Variants in ZC3H3 observed in about 807,000 individuals in gnomAD.
ZC3H3 encodes the protein zinc finger CCCH-type containing 3, also known as zinc finger CCCH domain-containing protein 3.
In ZC3H3, 36 loss-of-function variants were observed where a neutral mutation model predicts 77.3. That is an observed-to-expected ratio of 0.47 (90% confidence interval 0.36 to 0.61). The LOEUF (loss-of-function observed/expected upper bound fraction) is 0.61. ZC3H3 is among the 20% of genes least tolerant of loss of function. The pLI is 0.00. For missense variants in ZC3H3, 1,331 were observed against 1,312.2 expected, an observed-to-expected ratio of 1.01 and a Z score of -0.22; for synonymous variants, 626 against 555.2, an observed-to-expected ratio of 1.13 and a Z score of -1.79.
chr8:143,458,071 A>G (rs570756256), intron 9 of ZC3H3, among the ~76,000 whole-genome samples: 8 of 152,354 alleles, frequency 5.3e-5, no homozygotes, highest in Non-Finnish European at 1.2e-4. Context: ...AAGATCAATA[A>G]ATTGACAAAC....
chr8:143,509,968 C>T (rs1422654554), intron 3 of ZC3H3, among the ~76,000 whole-genome samples: 3 of 152,222 alleles, frequency 2.0e-5, no homozygotes, highest in Non-Finnish European at 2.9e-5. Context: ...TTCCCAGCCC[C>T]GACTGCACAC....
chr8:143,501,671 A>C (rs901019671), intron 4 of ZC3H3, among the ~76,000 whole-genome samples: 1 of 151,080 alleles, frequency 6.6e-6, no homozygotes, highest in Non-Finnish European at 1.5e-5. Flanking sequence ...GTTTTACATA[A>C]AGATTCATCC....
At chr8:143,541,332 G>T (rs748908382) in intron 1 of ZC3H3, 44 bp downstream of exon 1, 7 of 1,604,206 alleles carry the variant, frequency 4.4e-6, no homozygotes, top group Non-Finnish European at 6.0e-6. Flanking sequence ...CGCGAGGTGA[G>T]GGGGAAAGAA....
chr8:143,475,860 C>T (rs1444306821), intron 4 of ZC3H3, among the ~76,000 whole-genome samples: 1 of 152,200 alleles, frequency 6.6e-6, no homozygotes, highest in African/African-American at 2.4e-5. Context: ...CCCCCGACCC[C>T]ACCCACGAGG....
At chr8:143,532,227 G>GTGAT (rs1554647563) in intron 3 of ZC3H3, among the ~76,000 whole-genome samples, 5 of 20,338 alleles carry the variant, frequency 2.5e-4, no homozygotes, top group Non-Finnish European at 6.2e-4. Flanking sequence ...AGGAAATTAC[G>GTGAT]CGATTACCAA....
chr8:143,468,601 A>G lies in ZC3H3; in HGVS notation c.1946+16T>C. 6.4e-7 allele frequency: 1 copy of G among 1,573,322 alleles called. No homozygotes were observed. Among genetic ancestry groups the G allele is most frequent in the Non-Finnish European group, 8.6e-7 (1 of 1,160,226 alleles). On this transcript the variant is annotated intron_variant, in intron 6 of 11. Transcript: ENST00000262577. ...CGAGCAGGGAGCCCACCCACTGCCCAGCCCAAAGGCATTACCTGGCCAGGG... is the reference window on the plus strand; with the variant it reads ...CGAGCAGGGAGCCCACCCACTGCCCGGCCCAAAGGCATTACCTGGCCAGGG...
At chr8:143,531,620 C>T (rs1478650996) in intron 3 of ZC3H3, among the ~76,000 whole-genome samples, 2 of 152,178 alleles carry the variant, frequency 1.3e-5, no homozygotes. Context: ...CACCTCCAGG[C>T]TCATTATTCC....
chr8:143,477,422 C>T (rs369652850), intron 4 of ZC3H3, among the ~76,000 whole-genome samples: 63 of 152,298 alleles, frequency 4.1e-4, no homozygotes, highest in African/African-American at 1.4e-3. Flanking sequence ...AACCCCCAGC[C>T]GGGCACTGTC....
chr8:143,468,045 C>T (rs537217057), intron 8 of ZC3H3, among the ~76,000 whole-genome samples, 164 bp downstream of exon 8: 1 of 152,196 alleles, frequency 6.6e-6, no homozygotes, highest in African/African-American at 2.4e-5. Flanking sequence ...AGCTGCAAAG[C>T]CTGCAATGGG....
chr8:143,527,333 A>C (rs1028537214), intron 3 of ZC3H3, among the ~76,000 whole-genome samples: 1 of 152,126 alleles, frequency 6.6e-6, no homozygotes, highest in African/African-American at 2.4e-5. Flanking sequence ...TCCATTCAAC[A>C]AAAGGAGCAG....
chr8:143,472,152 G>A (rs1261424670), intron 5 of ZC3H3, among the ~76,000 whole-genome samples: 2 of 152,246 alleles, frequency 1.3e-5, no homozygotes, highest in African/African-American at 4.8e-5. Flanking sequence ...CAGCCTCTGT[G>A]CGCCAGACCC....
At chr8:143,519,122 G>C (rs1462247960) in intron 3 of ZC3H3, among the ~76,000 whole-genome samples, 1 of 151,938 alleles carries the variant, frequency 6.6e-6, no homozygotes, top group Non-Finnish European at 1.5e-5. Flanking sequence ...CTCTGAAGGA[G>C]GGGAGGAGAG....
At chr8:143,465,603 C>A (rs1820387205) in intron 9 of ZC3H3, 114 bp downstream of exon 9, 1 of 1,496,362 alleles carries the variant, frequency 6.7e-7, no homozygotes. Flanking sequence ...ATGGCACTGA[C>A]CACCTCAGGG....
chr8:143,498,349 C>T (rs139565473), intron 4 of ZC3H3, among the ~76,000 whole-genome samples: 89 of 152,324 alleles, frequency 5.8e-4, no homozygotes, highest in African/African-American at 2.0e-3. Flanking sequence ...CCTTCTGGCT[C>T]GGGGGGAATC....
At chr8:143,541,100 G>A (rs914347527) in intron 1 of ZC3H3, among the ~76,000 whole-genome samples, 1 of 152,200 alleles carries the variant, frequency 6.6e-6, no homozygotes, top group African/African-American at 2.4e-5. Flanking sequence ...GTGGTGGGGA[G>A]GGCCGCCGCC....
At chr8:143,516,517 CTT>C (rs1168350904) in intron 3 of ZC3H3, among the ~76,000 whole-genome samples, 1 of 147,392 alleles carries the variant, frequency 6.8e-6, no homozygotes, top group Non-Finnish European at 1.5e-5. Flanking sequence ...CGAAAGGAAA[CTT>C]TGCAATCACA....
At chr8:143,444,364 A>G (rs1563832369) in intron 9 of ZC3H3, among the ~76,000 whole-genome samples, 1 of 152,220 alleles carries the variant, frequency 6.6e-6, no homozygotes, top group Non-Finnish European at 1.5e-5. Flanking sequence ...AACACTACTC[A>G]GCTTATGGGG....
At chr8:143,509,046 G>A (rs1371462753) in intron 3 of ZC3H3, among the ~76,000 whole-genome samples, 2 of 152,056 alleles carry the variant, frequency 1.3e-5, no homozygotes, top group African/African-American at 2.4e-5. Flanking sequence ...ACACTGCCCT[G>A]TCCAGATGTC....
chr8:143,527,475 G>A (rs578045267), intron 3 of ZC3H3, among the ~76,000 whole-genome samples: 12 of 152,090 alleles, frequency 7.9e-5, no homozygotes, highest in Admixed American at 6.5e-4. Context: ...GCACCACCAC[G>A]GCACACACGC....
Sources: gnomAD v4.1 joint callset for allele counts (sites outside exome capture counted in the v4.1 genomes callset) on GRCh38, gnomAD v4.1.1 for gene constraint, MANE v1.5 for transcripts, NCBI Gene and HGNC (gene_info 2026-07-23, HGNC 2026-07-21) for gene names.